Variants in ADAMTS13 observed in about 807,000 individuals in gnomAD.
The protein encoded by ADAMTS13 is ADAM metallopeptidase with thrombospondin type 1 motif 13.
A neutral mutation model predicts 155.1 loss-of-function variants in ADAMTS13; 110 were observed. The observed-to-expected ratio is 0.71, with a 90% CI of 0.61 to 0.83. The LOEUF (loss-of-function observed/expected upper bound fraction) is 0.83, where lower values mean the gene tolerates loss of function less well. Ranked by LOEUF, ADAMTS13 falls within the 40% of genes least tolerant of loss-of-function variation. ADAMTS13 has a pLI of 0.00. For missense variants in ADAMTS13, 1,707 were observed against 1,891.7 expected (o/e 0.90, Z 1.81); for synonymous variants, 758 against 756.4 (o/e 1.00, Z -0.03).
chr9:133,428,492 CAG>C (rs1171101966), intron 6 of ADAMTS13, 140 bp from the exon 7 acceptor site: 2 of 408,782 alleles, frequency 4.9e-6, no homozygotes, highest in African/African-American at 2.1e-5. Flanking sequence ...ATGGCGGCGT[CAG>C]GGGTCGACCC....
chr9:133,434,922 G>A (rs963393148), intron 11 of ADAMTS13, among the ~76,000 whole-genome samples: 5 of 152,154 alleles, frequency 3.3e-5, no homozygotes, highest in Non-Finnish European at 5.9e-5. Context: ...CCAGCGGCAC[G>A]TCCCCAAGGC....
At position 133,456,066 on chromosome 9, in the gene ADAMTS13, C is replaced by T. The variant is rs782169236; in HGVS notation, c.3401-3C>T. On this transcript the variant is annotated splice_polypyrimidine_tract_variant and splice_region_variant and intron_variant, in intron 25 of 28. Transcript: ENST00000355699. This position sits in a 1 kb window ranked among gnomAD's most constrained non-coding sequence, Gnocchi z 4.4. ...GCTTACCTGTCTCCTGCTCCCTTTT[C>T]AGGTGCCTGTGGCAGGCAGCACCTT... The T allele has an allele frequency of 1.9e-6, 3 of 1,613,276 alleles. No individual in the cohort carries two copies. The highest frequency in any genetic ancestry group is 2.5e-6 in the Non-Finnish European group (3 of 1,180,030).
At chr9:133,430,616 T>C (rs917843257) in intron 8 of ADAMTS13, among the ~76,000 whole-genome samples, 4 of 152,182 alleles carry the variant, frequency 2.6e-5, no homozygotes, top group Non-Finnish European at 4.4e-5. Context: ...CACAAAAAAA[T>C]TGAGAATTAT....
In ADAMTS13 at chr9:133,441,007, G is replaced by T. The variant is rs781846364; in HGVS notation, c.1968+482G>T. On this transcript the variant is annotated intron_variant, in intron 16 of 28. Coordinates refer to ENST00000355699, the MANE Select transcript of ADAMTS13 (RefSeq NM_139027.6). The surrounding 1 kb of genome is among the most constrained non-coding windows in gnomAD (Gnocchi z 5.0). ...TGGCATCTGGGGAGTAGGCCTTGGT[G>T]CTGAGGAAGCTGAGAACAGATGCTG... 4.6e-5 allele frequency among the ~76,000 whole-genome samples: 7 copies of T among 152,174 alleles called. No individual in the cohort carries two copies. The highest frequency in any genetic ancestry group is 1.0e-4 in the Non-Finnish European group (7 of 68,012).
chr9:133,424,503 C>T lies in ADAMTS13; in HGVS notation c.330+25C>T. 1 of 1,601,064 alleles carries T rather than the reference C, an allele frequency of 6.2e-7. No homozygotes were observed. The highest frequency in any genetic ancestry group is 8.5e-7 in the Non-Finnish European group (1 of 1,174,040). On this transcript the variant is annotated intron_variant, in intron 3 of 28. Transcript: ENST00000355699. The surrounding 1 kb of genome is among the most constrained non-coding windows in gnomAD (Gnocchi z 4.3). The stretch of plus-strand genomic sequence containing the variant: ...CGTGAGTGCCCCACGCTGGACTGTG[C>T]AGGTCCCCACGGCCAGGGCTGGTGA...
intron 18 of ADAMTS13, 106 bp from the exon 19 acceptor site, chr9:133,443,270 C>A: frequency 7.2e-7 from 1 of 1,386,900 alleles, no homozygotes; most frequent in Non-Finnish European, 9.9e-7. Context: ...GCCGTAGTGC[C>A]CATTGCTTGT....
intron 23 of ADAMTS13, 144 bp downstream of exon 23, chr9:133,450,109 G>A: frequency 1.1e-6 from 1 of 947,398 alleles, no homozygotes; most frequent in Non-Finnish European, 1.6e-6. Context: ...TCCAACCTGG[G>A]CAACACAGTG....
chr9:133,428,567 G>A, intron 6 of ADAMTS13, 67 bp from the exon 7 acceptor site: 1 of 96,950 alleles, frequency 1.0e-5, no homozygotes, highest in South Asian at 2.5e-4. Flanking sequence ...GCCGACCCCC[G>A]TCCCGCCCCC....
At chr9:133,451,990 ATT>A (rs111537834) in intron 23 of ADAMTS13, among the ~76,000 whole-genome samples, 2 of 142,946 alleles carry the variant, frequency 1.4e-5, no homozygotes, top group African/African-American at 2.5e-5. Flanking sequence ...GGACCAAAGG[ATT>A]TTTTTTTTTT....
intron 23 of ADAMTS13, among the ~76,000 whole-genome samples, chr9:133,453,920 C>T (rs1470569413): frequency 6.6e-6 from 1 of 152,082 alleles, no homozygotes; most frequent in African/African-American, 2.4e-5. Context: ...ATGAAGATCC[C>T]AGCTCCCTTG....
rs782614158 is a variant in ADAMTS13 at position 133,443,434 on chromosome 9, C to T, written c.2293C>T (p.Arg765Trp). The T allele has an allele frequency of 1.4e-5, 22 of 1,595,152 alleles. No individual in the cohort carries two copies. The highest frequency in any genetic ancestry group is 1.8e-4 in the Middle Eastern group (1 of 5,658). ...SASCGGGLRE[R>W]PVRCVEAQGS... Reference sequence around the variant, plus strand: ...CTCCTGTGGGGGTGGCCTGCGGGAGCGGCCAGTGCGCTGCGTGGAGGCCCA... The same window carrying T: ...CTCCTGTGGGGGTGGCCTGCGGGAGTGGCCAGTGCGCTGCGTGGAGGCCCA... Residue 765 changes from arginine to tryptophan, a missense_variant, in exon 19 of 29, where the codon CGG (arginine) becomes TGG (tryptophan). Around this residue, in one of 3 missense-constraint regions of ADAMTS13, gnomAD observed 961 missense variants for 1,107.9 expected, o/e 0.87. Transcript: ENST00000355699.
At chr9:133,444,748 T>G in intron 19 of ADAMTS13, 115 bp from the exon 20 acceptor site, 1 of 1,087,714 alleles carries the variant, frequency 9.2e-7, no homozygotes, top group South Asian at 1.4e-5. Flanking sequence ...GGCTCCTCTT[T>G]GGGCTCCTGG....
In ADAMTS13 at chr9:133,448,596, C is replaced by CTGCAGATGGACAA; in HGVS notation, c.2732-3_2732-2insTGCAGATGGACAA. Reference sequence around the variant, plus strand: ...GCTCTGGGTCTCTGCTTTGTCCACGCAGGTCTGATGGAGCTGCGTTTCCTG... The same window carrying CTGCAGATGGACAA: ...GCTCTGGGTCTCTGCTTTGTCCACGCTGCAGATGGACAAAGGTCTGATGGAGCTGCGTTTCCTG... On this transcript the variant is annotated splice_polypyrimidine_tract_variant and splice_region_variant and intron_variant, in intron 21 of 28. Coordinates refer to ENST00000355699, the MANE Select transcript of ADAMTS13 (RefSeq NM_139027.6). 1 of 1,609,702 alleles carries CTGCAGATGGACAA rather than the reference C, an allele frequency of 6.2e-7. No homozygotes were observed. Among genetic ancestry groups the CTGCAGATGGACAA allele is most frequent in the Non-Finnish European group, 8.5e-7 (1 of 1,179,840 alleles).
intron 1 of ADAMTS13, chr9:133,415,029 AT>A: frequency 6.4e-7 from 1 of 1,563,620 alleles, no homozygotes; most frequent in Non-Finnish European, 8.6e-7. Context: ...CCAAAATAAA[AT>A]ACATGCTGCA....
chr9:133,435,793 A>G (rs1433622377), intron 11 of ADAMTS13, among the ~76,000 whole-genome samples: 1 of 151,876 alleles, frequency 6.6e-6, no homozygotes, highest in African/African-American at 2.4e-5. Flanking sequence ...CGGCCTCCCA[A>G]AGGGCTGAGA....
At position 133,456,701 on chromosome 9, in the gene ADAMTS13, C is replaced by T; in HGVS notation, c.3706C>T (p.Pro1236Ser). 3 of 1,572,080 alleles carry T rather than the reference C, an allele frequency of 1.9e-6. No individual in the cohort carries two copies. Among genetic ancestry groups the T allele is most frequent in the Non-Finnish European group, 2.6e-6 (3 of 1,157,826 alleles). Residue 1236 changes from proline to serine, a missense_variant, in exon 27 of 29, where the codon CCT (proline) becomes TCT (serine). Transcript: ENST00000355699. The surrounding 1 kb of genome is among the most constrained non-coding windows in gnomAD (Gnocchi z 4.4). ...GCTGCGGTATGGGAGCCAGCTTGCT[C>T]CTGAAACCTTCTACAGAGGTATGGC... is the stretch of plus-strand genomic sequence containing the variant. ...VLLRYGSQLA[P>S]ETFYRECDMQ...
chr9:133,437,361 A>G (rs983045553), intron 12 of ADAMTS13, among the ~76,000 whole-genome samples: 5 of 152,152 alleles, frequency 3.3e-5, no homozygotes, highest in African/African-American at 1.2e-4. Context: ...GATTCAAGGG[A>G]TTCTTGCCCC....
intron 23 of ADAMTS13, among the ~76,000 whole-genome samples, chr9:133,452,279 A>G (rs1842482973): frequency 1.3e-5 from 2 of 151,532 alleles, no homozygotes; most frequent in Admixed American, 1.3e-4. Context: ...CCCCCAACTG[A>G]TTTTGTGTTT....
At chr9:133,428,302 G>A (rs1554785725) in intron 6 of ADAMTS13, among the ~76,000 whole-genome samples, 1 of 152,206 alleles carries the variant, frequency 6.6e-6, no homozygotes, top group Non-Finnish European at 1.5e-5. Context: ...CAAGGCCCCG[G>A]CCAGTCCCCA....
Sources: allele counts gnomAD v4.1 joint callset (sites outside exome capture counted in the v4.1 genomes callset), GRCh38; gene constraint gnomAD v4.1.1; regional missense constraint gnomAD v4.1.1; non-coding constraint Gnocchi (gnomAD v3.1); transcripts MANE v1.5; gene names NCBI Gene and HGNC (gene_info 2026-07-23, HGNC 2026-07-21).